The following BNC2 variants were observed in gnomAD, a reference collection of about 807,000 sequenced individuals.
The protein encoded by BNC2 is zinc finger protein basonuclin-2.
Under a neutral mutation model 76.3 loss-of-function variants are expected in BNC2, and 20 were observed. The ratio of observed to expected loss-of-function variants is 0.26; its 90% CI spans 0.18 to 0.38. The LOEUF (loss-of-function observed/expected upper bound fraction) is 0.38, where lower values mean the gene tolerates loss of function less well. Ranked by LOEUF, BNC2 falls within the 10% of genes least tolerant of loss-of-function variation. The probability of loss-of-function intolerance (pLI) is 1.00; values close to 1 mark genes in which losing one functional copy is unlikely to be tolerated. For synonymous variants in BNC2, 582 were observed against 514.8 expected, an observed-to-expected ratio of 1.13 and a Z score of -1.77; for missense variants, 1,382 against 1,399.8, an observed-to-expected ratio of 0.99 and a Z score of 0.20.
chr9:16,448,943 T>C (rs1179093875), intron 5 of BNC2, among the ~76,000 whole-genome samples: 5 of 152,334 alleles, frequency 3.3e-5, no homozygotes, highest in East Asian at 1.9e-4. Flanking sequence ...ATAGTTTGTG[T>C]TTCTGTATAT....
At position 16,767,140 on chromosome 9, in the gene BNC2, A is replaced by G. The variant is rs563843943; in HGVS notation, c.4-28655T>C. 1.5e-3 allele frequency among the ~76,000 whole-genome samples: 229 copies of G among 152,332 alleles called. 1 individual carries two copies. The highest frequency in any genetic ancestry group is 5.2e-3 in the African/African-American group (218 of 41,582). On this transcript the variant is annotated intron_variant, in intron 1 of 6. Transcript: ENST00000380672. ...TCGTAAGAGTGAGGGAGAGGGATGAAATGTACAGCCAACGTCAGCCCAGAA... is the reference window on the plus strand; with the variant it reads ...TCGTAAGAGTGAGGGAGAGGGATGAGATGTACAGCCAACGTCAGCCCAGAA...
chr9:16,545,107 C>T (rs1818439129), intron 5 of BNC2, among the ~76,000 whole-genome samples: 1 of 152,088 alleles, frequency 6.6e-6, no homozygotes, highest in Non-Finnish European at 1.5e-5. Context: ...TATTTATATC[C>T]AAGTACATTC....
chr9:16,573,977 G>C (rs1023924409), intron 4 of BNC2, among the ~76,000 whole-genome samples: 21 of 152,124 alleles, frequency 1.4e-4, no homozygotes, highest in African/African-American at 5.1e-4. Flanking sequence ...TCACACTTCA[G>C]TAAAGAGGGG....
At chr9:16,765,250 C>G (rs143009851) in intron 1 of BNC2, among the ~76,000 whole-genome samples, 23 of 152,154 alleles carry the variant, frequency 1.5e-4, no homozygotes, top group South Asian at 2.1e-4. Context: ...TTTCTGGGGT[C>G]ACAATGTAAT....
chr9:16,868,471 C>T (rs954774232), intron 1 of BNC2, among the ~76,000 whole-genome samples: 49 of 152,172 alleles, frequency 3.2e-4, no homozygotes, highest in African/African-American at 1.1e-3. Context: ...CTGCTATTAA[C>T]ATTTTCCTAA....
chr9:16,863,909 T>C (rs1819473474), intron 1 of BNC2, among the ~76,000 whole-genome samples: 1 of 152,128 alleles, frequency 6.6e-6, no homozygotes, highest in Non-Finnish European at 1.5e-5. Context: ...GTAAAAACGG[T>C]TCTCCTAGTT....
At chr9:16,743,058 C>T (rs1824895642) in intron 1 of BNC2, among the ~76,000 whole-genome samples, 2 of 152,200 alleles carry the variant, frequency 1.3e-5, no homozygotes, top group African/African-American at 4.8e-5. Context: ...ACCAAGAACC[C>T]ATGCTCATTT....
chr9:16,689,859 T>C (rs559572223), intron 3 of BNC2, among the ~76,000 whole-genome samples: 23 of 152,048 alleles, frequency 1.5e-4, no homozygotes, highest in African/African-American at 3.4e-4. Flanking sequence ...TCAAGTGAAA[T>C]AGATTTGACA....
At chr9:16,669,157 G>C (rs1287484061) in intron 3 of BNC2, among the ~76,000 whole-genome samples, 1 of 152,150 alleles carries the variant, frequency 6.6e-6, no homozygotes, top group Non-Finnish European at 1.5e-5. Context: ...GTAACTATAA[G>C]TTGCATAATA....
intron 5 of BNC2, among the ~76,000 whole-genome samples, chr9:16,445,384 G>A (rs1352077028): frequency 6.6e-5 from 10 of 152,024 alleles, no homozygotes; most frequent in South Asian, 2.1e-4. Flanking sequence ...CCAGAACTTC[G>A]GGCTAATGTT....
Position 16,727,891 on chromosome 9 carries a change from A to T in BNC2, c.236T>A (p.Met79Lys), listed in dbSNP as rs1369284392. The T allele has an allele frequency of 6.2e-7, 1 of 1,614,046 alleles. No individual in the cohort carries two copies. The highest frequency in any genetic ancestry group is 8.5e-7 in the Non-Finnish European group (1 of 1,180,034). The part of the protein sequence containing the change: ...TLRDSCTDNS[M>K]QFGTRTTTAE... ...CGTAGTCGTTCTGGTTCCGAACTGC[A>T]TGGAGTTGTCAGTACAGGAGTCTCT... The change falls in exon 3 of 7, where the codon ATG (methionine) becomes AAG (lysine). Residue 79 changes from methionine (M) to lysine (K), a missense_variant. Physicochemically the swap from Met to Lys is moderately conservative, Grantham distance 95. Transcript: ENST00000380672.
At chr9:16,795,900 G>C (rs1586890636) in intron 1 of BNC2, among the ~76,000 whole-genome samples, 1 of 152,278 alleles carries the variant, frequency 6.6e-6, no homozygotes, top group East Asian at 1.9e-4. Flanking sequence ...GTTAGGAAGA[G>C]AAAAAGAGCT....
chr9:16,451,921 C>A (rs1203200095), intron 5 of BNC2, among the ~76,000 whole-genome samples: 2 of 152,144 alleles, frequency 1.3e-5, no homozygotes, highest in East Asian at 3.9e-4. Context: ...TAGAAATCAT[C>A]TAGTGCCATG....
At chr9:16,697,156 C>T (rs187995759) in intron 3 of BNC2, among the ~76,000 whole-genome samples, 1 of 150,062 alleles carries the variant, frequency 6.7e-6, no homozygotes, top group East Asian at 2.1e-4. Context: ...GTCAGGATTT[C>T]GAGACCAGCC....
chr9:16,622,137 G>T (rs916287479), intron 3 of BNC2, among the ~76,000 whole-genome samples: 3 of 151,994 alleles, frequency 2.0e-5, no homozygotes, highest in Admixed American at 6.6e-5. Context: ...TCAAGGAAAT[G>T]GATTCTAAAT....
intron 1 of BNC2, among the ~76,000 whole-genome samples, chr9:16,763,863 G>C (rs528040583): frequency 6.6e-6 from 1 of 152,248 alleles, no homozygotes; most frequent in African/African-American, 2.4e-5. Flanking sequence ...CCAACACCTA[G>C]TGTTTGAAAA....
chr9:16,672,422 G>A (rs193268363), intron 3 of BNC2, among the ~76,000 whole-genome samples: 21 of 152,184 alleles, frequency 1.4e-4, no homozygotes, highest in East Asian at 1.4e-3. Context: ...GCGTGAACCC[G>A]GGAGGCAGAG....
intron 1 of BNC2, among the ~76,000 whole-genome samples, chr9:16,774,232 C>A (rs953191895): frequency 6.6e-5 from 10 of 152,178 alleles, no homozygotes; most frequent in Non-Finnish European, 1.2e-4. Flanking sequence ...TCGGCCCCAC[C>A]TCAGCCTCCC....
chr9:16,528,070 G>A (rs1817866210), intron 5 of BNC2, among the ~76,000 whole-genome samples: 1 of 152,192 alleles, frequency 6.6e-6, no homozygotes, highest in East Asian at 1.9e-4. Context: ...GGACTTGGAA[G>A]TGAGGAAAGA....
Sources: gnomAD v4.1 joint callset for allele counts (sites outside exome capture counted in the v4.1 genomes callset) on GRCh38, gnomAD v4.1.1 for gene constraint, MANE v1.5 for transcripts, NCBI Gene and HGNC (gene_info 2026-07-23, HGNC 2026-07-21) for gene names.